DMD: variants seen among roughly 807,000 people sequenced by gnomAD.
The protein encoded by DMD is dystrophin.
A neutral mutation model predicts 330.1 loss-of-function variants in DMD; 63 were observed. The ratio of observed to expected loss-of-function variants is 0.19; its 90% CI spans 0.16 to 0.24. DMD has a LOEUF of 0.24. Ranked by LOEUF, DMD falls within the 10% of genes least tolerant of loss-of-function variation. The pLI is 1.00. For synonymous variants in DMD, 1,223 were observed against 959.8 expected (o/e 1.27, Z -5.07); for missense variants, 3,344 against 2,684.1 (o/e 1.25, Z -5.43).
Position 32,484,948 on chromosome X carries a change from A to G in DMD, c.2774T>C (p.Val925Ala). ...CTGTAGCTCTTTCTCTCTGGCCTGC[A>G]CATCAGAAAAGACTTGCTTAAAATG... Reference protein sequence around the residue: ...TNHFKQVFSDVQAREKELQTI... With the variant: ...TNHFKQVFSDAQAREKELQTI... Residue 925 changes from valine to alanine, a missense_variant, in exon 21 of 79, where the codon GTG (valine) becomes GCG (alanine). Transcript: ENST00000357033. 8.3e-7 allele frequency: 1 copy of G among 1,209,902 alleles called. No individual in the cohort carries two copies. Among genetic ancestry groups the G allele is most frequent in the East Asian group, 3.0e-5 (1 of 33,753 alleles).
intron 7 of DMD, among the ~76,000 whole-genome samples, chrX:32,701,021 G>A (rs1042306134): frequency 8.9e-6 from 1 of 111,766 alleles, no homozygotes; most frequent in Non-Finnish European, 1.9e-5. Context: ...ATGTTCCTTG[G>A]TCTACTTCTA....
intron 41 of DMD, among the ~76,000 whole-genome samples, chrX:32,313,368 C>T (rs1433079003): frequency 1.8e-5 from 2 of 111,433 alleles, no homozygotes; most frequent in African/African-American, 3.3e-5. Flanking sequence ...ATGTTAAAAA[C>T]ACTCAATAAA....
At chrX:31,249,123 T>A (rs111691392) in intron 63 of DMD, among the ~76,000 whole-genome samples, 3 of 112,194 alleles carry the variant, frequency 2.7e-5, no homozygotes, top group African/African-American at 9.7e-5. Context: ...TCAAAAACCT[T>A]AGTATAAAAA....
chrX:31,538,066 C>T (rs1437870936), intron 55 of DMD, among the ~76,000 whole-genome samples: 1 of 111,758 alleles, frequency 8.9e-6, no homozygotes, highest in South Asian at 3.7e-4. Context: ...GGGTACCTGC[C>T]GTTGTCGCGT....
At chrX:32,175,123 G>C (rs1180160781) in intron 44 of DMD, among the ~76,000 whole-genome samples, 1 of 111,541 alleles carries the variant, frequency 9.0e-6, no homozygotes, top group Non-Finnish European at 1.9e-5. Context: ...GCAAATGTAA[G>C]TTTTGATTCA....
intron 27 of DMD, among the ~76,000 whole-genome samples, chrX:32,447,308 C>T (rs759499290): frequency 2.7e-5 from 3 of 110,154 alleles, no homozygotes; most frequent in South Asian, 3.8e-4. Flanking sequence ...ACATAAGATA[C>T]GTCATTATAT....
intron 33 of DMD, among the ~76,000 whole-genome samples, chrX:32,383,584 T>C (rs749644361): frequency 9.0e-6 from 1 of 110,940 alleles, no homozygotes; most frequent in Non-Finnish European, 1.9e-5. Flanking sequence ...TGTTTCTACA[T>C]CAATATTTAC....
chrX:31,618,112 C>T (rs746689010), intron 55 of DMD, among the ~76,000 whole-genome samples: 1 of 110,437 alleles, frequency 9.1e-6, no homozygotes, highest in South Asian at 3.9e-4. Flanking sequence ...TGAGAAACTA[C>T]CTATCAGGTA....
At chrX:32,764,956 GGTT>G (rs1191290650) in intron 7 of DMD, among the ~76,000 whole-genome samples, 2 of 68,780 alleles carry the variant, frequency 2.9e-5, no homozygotes, top group African/African-American at 1.2e-4. Flanking sequence ...TTATTTTCTG[GGTT>G]TTTTTTTTTT....
At chrX:32,614,510 A>G in intron 11 of DMD, 57 bp from the exon 12 acceptor site, 1 of 973,171 alleles carries the variant, frequency 1.0e-6, no homozygotes. Flanking sequence ...ATTACTGAAC[A>G]TCACAATGTA....
chrX:33,093,101 C>T (rs1376129678), intron 1 of DMD, among the ~76,000 whole-genome samples: 1 of 111,447 alleles, frequency 9.0e-6, no homozygotes, highest in Non-Finnish European at 1.9e-5. Flanking sequence ...TCTCGAACTC[C>T]TGACCTCAGG....
rs113185861 is a variant in DMD at position 33,059,386 on chromosome X, TTC to T, written c.32-39188_32-39187del. 1.9e-3 allele frequency among the ~76,000 whole-genome samples: 205 copies of T among 105,962 alleles called. 1 individual carries two copies. Among genetic ancestry groups the T allele is most frequent in the African/African-American group, 5.6e-3 (166 of 29,442 alleles). 92.0% of individuals were successfully genotyped at this position (105,962 alleles called of 115,157 possible). ...TCTATCTCTCTCTGTCTCACTTTCT[TTC>T]TCTCTCTCTCTCTCTCTCTCCAACT... On this transcript the variant is annotated intron_variant, in intron 1 of 78. Transcript: ENST00000357033.
intron 1 of DMD, among the ~76,000 whole-genome samples, chrX:33,116,170 G>A (rs1010018803): frequency 2.8e-5 from 3 of 108,938 alleles, no homozygotes; most frequent in African/African-American, 6.7e-5. Context: ...TGCAGCCTGC[G>A]AGACAGAGTG....
At chrX:32,021,370 AC>A (rs1180438323) in intron 44 of DMD, among the ~76,000 whole-genome samples, 2 of 112,145 alleles carry the variant, frequency 1.8e-5, no homozygotes, top group Non-Finnish European at 1.9e-5. Flanking sequence ...TGTTGAACAT[AC>A]GTTTTTTAAA....
At chrX:32,809,460 C>G in intron 7 of DMD, 33 bp downstream of exon 7, 2 of 1,100,498 alleles carry the variant, frequency 1.8e-6, no homozygotes, top group Middle Eastern at 4.9e-4. Flanking sequence ...CTCTACCATA[C>G]TAAAAGCAGT....
chrX:32,899,260 G>T (rs2086006313), intron 2 of DMD, among the ~76,000 whole-genome samples: 1 of 111,674 alleles, frequency 9.0e-6, no homozygotes, highest in South Asian at 3.7e-4. Context: ...TCCCTTTCAG[G>T]TCCTTGCAGG....
chrX:32,760,377 A>C (rs1468842392), intron 7 of DMD, among the ~76,000 whole-genome samples: 3 of 111,971 alleles, frequency 2.7e-5, no homozygotes, highest in East Asian at 5.7e-4. Flanking sequence ...AGCCTTCTCT[A>C]TCTCTCTTCA....
chrX:33,239,797 A>G (rs950491013), intron 1 of DMD, among the ~76,000 whole-genome samples: 14 of 111,810 alleles, frequency 1.3e-4, no homozygotes, highest in Non-Finnish European at 1.1e-4. Flanking sequence ...TAGGTTGAGC[A>G]TCCCTAATCC....
intron 7 of DMD, among the ~76,000 whole-genome samples, chrX:32,785,771 G>A (rs1215558238): frequency 1.8e-5 from 2 of 110,863 alleles, no homozygotes; most frequent in African/African-American, 3.3e-5. Context: ...ATATAATAGA[G>A]AGAAAAAAAT....
Sources: gnomAD v4.1 joint callset for allele counts (sites outside exome capture counted in the v4.1 genomes callset) on GRCh38, gnomAD v4.1.1 for gene constraint, MANE v1.5 for transcripts, NCBI Gene and HGNC (gene_info 2026-07-23, HGNC 2026-07-21) for gene names.